VRK2: variants seen among roughly 807,000 people sequenced by gnomAD.
VRK2 encodes serine/threonine-protein kinase VRK2.
VRK2 carries 60 observed loss-of-function variants against 57.6 expected under a neutral mutation model. That is an observed-to-expected ratio of 1.04 (90% confidence interval 0.85 to 1.29). VRK2 has a LOEUF of 1.29. Among genes scored for constraint, VRK2 ranks in the 50% most tolerant of loss-of-function variants. VRK2 has a pLI of 0.00. For synonymous variants in VRK2, 231 were observed against 199.2 expected (o/e 1.16, Z -1.35); for missense variants, 705 against 588.1 (o/e 1.20, Z -2.06).
intron 8 of VRK2, among the ~76,000 whole-genome samples, chr2:58,127,816 C>A (rs1228633541): frequency 2.6e-5 from 4 of 152,160 alleles, no homozygotes; most frequent in Non-Finnish European, 5.9e-5. Context: ...TGTTTTTCTT[C>A]ATACTCCATA....
intron 2 of VRK2, among the ~76,000 whole-genome samples, chr2:58,032,422 C>T (rs1674144061): frequency 6.6e-6 from 1 of 152,006 alleles, no homozygotes; most frequent in Non-Finnish European, 1.5e-5. Context: ...TAGCATGTGT[C>T]CTTCCGTGGC....
At chr2:58,071,924 C>G (rs1669414381) in intron 2 of VRK2, among the ~76,000 whole-genome samples, 1 of 151,936 alleles carries the variant, frequency 6.6e-6, no homozygotes, top group Non-Finnish European at 1.5e-5. Context: ...CATGATGTAT[C>G]TCTCCATATC....
intron 7 of VRK2, among the ~76,000 whole-genome samples, chr2:58,090,423 T>G (rs916119677): frequency 2.7e-5 from 4 of 147,448 alleles, no homozygotes; most frequent in African/African-American, 1.0e-4. Flanking sequence ...AAAAAAAAAG[T>G]TTTAAGCAAG....
upstream of VRK2, among the ~76,000 whole-genome samples, chr2:58,042,396 T>C (rs1674494936): frequency 6.6e-6 from 1 of 152,146 alleles, no homozygotes; most frequent in South Asian, 2.1e-4. Flanking sequence ...CTTAGCTGTT[T>C]AGAGATTGTA....
chr2:58,071,115 G>A (rs1358821557), intron 2 of VRK2, among the ~76,000 whole-genome samples: 3 of 151,920 alleles, frequency 2.0e-5, no homozygotes, highest in Non-Finnish European at 4.4e-5. Flanking sequence ...TCTTTTTTTA[G>A]AAGTTTCTGT....
intron 7 of VRK2, among the ~76,000 whole-genome samples, chr2:58,099,367 C>T (rs1266151750): frequency 6.6e-6 from 1 of 151,992 alleles, no homozygotes; most frequent in African/African-American, 2.4e-5. Flanking sequence ...ATATTTTAAG[C>T]CTGTGAGTGC....
At chr2:57,944,814 C>T (rs1671211018) in intron 1 of VRK2, among the ~76,000 whole-genome samples, 1 of 126,312 alleles carries the variant, frequency 7.9e-6, no homozygotes, top group African/African-American at 4.7e-5. Context: ...AAAGTCATCC[C>T]CCTTGTTCCC....
chr2:58,108,051 C>G (rs2118897), intron 7 of VRK2, among the ~76,000 whole-genome samples: 10,557 of 152,166 alleles, frequency 0.069, 468 homozygotes, highest in Non-Finnish European at 0.085. Context: ...AACGGACAAA[C>G]CAGGAACTAG....
At chr2:58,117,041 T>C (rs541128703) in intron 7 of VRK2, among the ~76,000 whole-genome samples, 1 of 152,270 alleles carries the variant, frequency 6.6e-6, no homozygotes, top group South Asian at 2.1e-4. Flanking sequence ...GGTTAAGTCC[T>C]GTTGTGGGGT....
chr2:58,118,363 C>G (rs1409596587), intron 7 of VRK2, among the ~76,000 whole-genome samples: 1 of 152,194 alleles, frequency 6.6e-6, no homozygotes, highest in Non-Finnish European at 1.5e-5. Flanking sequence ...GGCTGCCGTC[C>G]CAGTCCGTGA....
At chr2:57,941,322 T>C (rs991385836) in intron 1 of VRK2, among the ~76,000 whole-genome samples, 1 of 152,340 alleles carries the variant, frequency 6.6e-6, no homozygotes, top group African/African-American at 2.4e-5. Context: ...ATTGACACTA[T>C]GCTTTTTACA....
intron 7 of VRK2, 120 bp from the exon 8 acceptor site, chr2:58,122,981 G>T: frequency 1.6e-6 from 2 of 1,264,072 alleles, no homozygotes; most frequent in Admixed American, 3.0e-5. Context: ...GGCACCATTT[G>T]GTTTAATAAA....
intron 1 of VRK2, among the ~76,000 whole-genome samples, chr2:57,976,350 G>A (rs1028691512): frequency 2.6e-5 from 4 of 152,098 alleles, no homozygotes; most frequent in African/African-American, 9.7e-5. Context: ...TTTCCACAGC[G>A]GCAGAACTAA....
chr2:58,094,810 T>C (rs1385587979), intron 7 of VRK2, among the ~76,000 whole-genome samples: 1 of 152,230 alleles, frequency 6.6e-6, no homozygotes, highest in Non-Finnish European at 1.5e-5. Flanking sequence ...TTCTGTACTT[T>C]CTGTTGAATC....
chr2:58,028,903 AATAT>A (rs58729342), intron 2 of VRK2, among the ~76,000 whole-genome samples: 653 of 53,936 alleles, frequency 0.012, 5 homozygotes, highest in Middle Eastern at 0.046. Flanking sequence ...TAAATAAATA[AATAT>A]ATATATATAT....
At chr2:58,112,239 T>C (rs1446527708) in intron 7 of VRK2, among the ~76,000 whole-genome samples, 2 of 152,230 alleles carry the variant, frequency 1.3e-5, no homozygotes, top group Non-Finnish European at 2.9e-5. Flanking sequence ...AGCTTTCTTA[T>C]ATGTAAAATA....
chr2:57,990,617 A>G (rs1489324377), intron 1 of VRK2, among the ~76,000 whole-genome samples: 1 of 152,230 alleles, frequency 6.6e-6, no homozygotes, highest in African/African-American at 2.4e-5. Context: ...GTCTAGTGTT[A>G]CAGTAGAGCT....
In VRK2 at chr2:58,020,402, A is replaced by G. The variant is rs555394861; in HGVS notation, c.-438-5263A>G. Among the ~76,000 whole-genome samples the G allele has an allele frequency of 4.6e-5, 7 of 152,238 alleles. No homozygotes were observed. In the East Asian group the frequency reaches 1.4e-3, roughly 29 times the overall value. ...TTAATATTTTTAGAGACAGAGTCTC[A>G]ATATGTTTTGAAGGCTGGTCTTGAA... On this transcript the variant is annotated intron_variant, in intron 1 of 15. Coordinates refer to the VRK2 transcript ENST00000417641.
chr2:57,962,268 C>T (rs1671784863), intron 1 of VRK2, among the ~76,000 whole-genome samples: 1 of 152,030 alleles, frequency 6.6e-6, no homozygotes, highest in Admixed American at 6.6e-5. Context: ...TTTTCAAATT[C>T]AGAAAAGAAA....
Sources: allele counts gnomAD v4.1 joint callset (sites outside exome capture counted in the v4.1 genomes callset), GRCh38; gene constraint gnomAD v4.1.1; transcripts MANE v1.5; gene names NCBI Gene and HGNC (gene_info 2026-07-23, HGNC 2026-07-21).